BCR: variants seen among roughly 807,000 people sequenced by gnomAD.
BCR encodes the protein breakpoint cluster region protein.
A neutral mutation model predicts 138.6 loss-of-function variants in BCR; 58 were observed. The observed-to-expected ratio is 0.42, with a 90% CI of 0.34 to 0.52. BCR has a LOEUF of 0.52. Ranked by LOEUF, BCR falls within the 20% of genes least tolerant of loss-of-function variation. The pLI is 0.06. For synonymous variants in BCR, 786 were observed against 730.1 expected, an observed-to-expected ratio of 1.08 and a Z score of -1.23; for missense variants, 1,599 against 1,727.2, an observed-to-expected ratio of 0.93 and a Z score of 1.32.
intron 16 of BCR, 141 bp from the exon 17 acceptor site, chr22:23,309,283 T>A: frequency 1.3e-6 from 1 of 787,074 alleles, no homozygotes; most frequent in South Asian, 1.6e-5. Flanking sequence ...CTACCTCTGT[T>A]GGCCTCTGGA....
chr22:23,222,373 G>T (rs934872717), intron 1 of BCR, among the ~76,000 whole-genome samples: 2 of 152,198 alleles, frequency 1.3e-5, no homozygotes, highest in Non-Finnish European at 2.9e-5. Context: ...AAGTGGGAAG[G>T]TGGAACACAG....
At chr22:23,290,797 GCT>G in intron 14 of BCR, 1 of 250,088 alleles carries the variant, frequency 4.0e-6, no homozygotes, top group East Asian at 8.3e-5. Flanking sequence ...AGATTTGGCT[GCT>G]CTGTCGAGCT....
At chr22:23,256,059 C>T (rs908887106) in intron 2 of BCR, among the ~76,000 whole-genome samples, 1 of 152,204 alleles carries the variant, frequency 6.6e-6, no homozygotes, top group Non-Finnish European at 1.5e-5. Flanking sequence ...CCTGGTTTCC[C>T]TGCCAGCCAT....
chr22:23,296,650 G>A (rs747323279), intron 16 of BCR, among the ~76,000 whole-genome samples: 41 of 152,272 alleles, frequency 2.7e-4, no homozygotes, highest in Non-Finnish European at 5.0e-4. Flanking sequence ...TTGAGATCAG[G>A]TTTAAAAGCA....
At chr22:23,223,659 C>A (rs1242102788) in intron 1 of BCR, among the ~76,000 whole-genome samples, 2 of 152,186 alleles carry the variant, frequency 1.3e-5, no homozygotes, top group Non-Finnish European at 2.9e-5. Flanking sequence ...GGGCCTGGCT[C>A]TGTGGGATCT....
chr22:23,282,099 C>G (rs1568971547), intron 8 of BCR, among the ~76,000 whole-genome samples: 1 of 152,264 alleles, frequency 6.6e-6, no homozygotes, highest in Non-Finnish European at 1.5e-5. Context: ...ACCCCTCCTC[C>G]TTGGCCGGGA....
chr22:23,233,210 G>T (rs1031478885), intron 1 of BCR, among the ~76,000 whole-genome samples: 3 of 152,142 alleles, frequency 2.0e-5, no homozygotes, highest in Non-Finnish European at 2.9e-5. Flanking sequence ...TCCATCTCCT[G>T]CCTGGATGCT....
chr22:23,234,269 C>T (rs946209454), intron 1 of BCR, among the ~76,000 whole-genome samples: 1 of 152,194 alleles, frequency 6.6e-6, no homozygotes, highest in Non-Finnish European at 1.5e-5. Flanking sequence ...CTGTCACTCC[C>T]AAGTCCGAGG....
In BCR at chr22:23,273,127, C is replaced by T; in HGVS notation, c.1968C>T (p.Val656=). The change falls in exon 7 of 23, where the codon GTC becomes GTT. Residue 656 remains valine (V), a synonymous_variant. Transcript: ENST00000305877. ...ACCGTGTGACGAGGAGCACGCTGGTCCTCCATGTAAGTCACAGCGCCCCTC... is the reference window on the plus strand; with the variant it reads ...ACCGTGTGACGAGGAGCACGCTGGTTCTCCATGTAAGTCACAGCGCCCCTC... The part of the protein sequence containing the change: ...PVDRVTRSTL[V]LHDLLKHTPA... 1.2e-6 allele frequency: 2 copies of T among 1,613,446 alleles called. No individual in the cohort carries two copies. Among genetic ancestry groups the T allele is most frequent in the South Asian group, 1.1e-5 (1 of 91,046 alleles).
intron 15 of BCR, among the ~76,000 whole-genome samples, chr22:23,292,860 C>T (rs1169890083): frequency 6.6e-6 from 1 of 152,234 alleles, no homozygotes; most frequent in Non-Finnish European, 1.5e-5. Context: ...AAAGAAGCCA[C>T]CTATTTTGCT....
chr22:23,289,623 T>TG lies in BCR; in HGVS notation c.2707+5dup. 1 of 1,592,736 alleles carries TG rather than the reference T, an allele frequency of 6.3e-7. No homozygotes were observed. Among genetic ancestry groups the TG allele is most frequent in the South Asian group, 1.1e-5 (1 of 90,600 alleles). ...TTCCGCTGACCATCAATAAGGAAGG[T>TG]GGGCCCCCCCGTTTCCGTGTACAGG... On this transcript the variant is annotated splice_region_variant and intron_variant, in intron 13 of 22. Coordinates refer to ENST00000305877, the MANE Select transcript of BCR (RefSeq NM_004327.4).
rs139453985 is a variant in BCR, at chr22:23,242,233, A to C, written c.1280-11566A>C. Reference sequence around the variant, plus strand: ...AAGGGGGATCTGGCTAGGGGCAGTAAATTCTTGAGCAGTCACTGGGAGATA... The same window carrying C: ...AAGGGGGATCTGGCTAGGGGCAGTACATTCTTGAGCAGTCACTGGGAGATA... On this transcript the variant is annotated intron_variant, in intron 1 of 22. Transcript: ENST00000305877. Among the ~76,000 whole-genome samples, 52 of 152,288 alleles carry C rather than the reference A, an allele frequency of 3.4e-4. 1 individual carries two copies. In the East Asian group the frequency reaches 9.8e-3, roughly 29 times the overall value.
In BCR at chr22:23,208,493, T is replaced by G. The variant is rs1038142050; in HGVS notation, c.1279+26254T>G. 3.3e-5 allele frequency among the ~76,000 whole-genome samples: 5 copies of G among 152,162 alleles called. No homozygotes were observed. The South Asian group carries it at 8.3e-4, about 25-fold the overall frequency. On this transcript the variant is annotated intron_variant, in intron 1 of 22. Transcript: ENST00000305877. ...TTAAAAATAACACAGTTCAGTGGTG[T>G]TGAGTATGTTCATGTTGTTCAGCCA...
chr22:23,191,507 C>G (rs1422934739), intron 1 of BCR, among the ~76,000 whole-genome samples: 1 of 152,208 alleles, frequency 6.6e-6, no homozygotes, highest in African/African-American at 2.4e-5. Flanking sequence ...CCCTGCGTAT[C>G]TTTCTTTAAC....
At chr22:23,286,203 TC>T (rs1480232581) in intron 10 of BCR, among the ~76,000 whole-genome samples, 2 of 152,238 alleles carry the variant, frequency 1.3e-5, no homozygotes, top group Non-Finnish European at 2.9e-5. Context: ...CTCTAGGTGT[TC>T]AGGACTACCT....
chr22:23,213,300 C>G (rs540360895), intron 1 of BCR, among the ~76,000 whole-genome samples: 1 of 152,316 alleles, frequency 6.6e-6, no homozygotes, highest in Admixed American at 6.5e-5. Flanking sequence ...GGCAGCGTTG[C>G]TGACTTGTGC....
intron 20 of BCR, among the ~76,000 whole-genome samples, 197 bp downstream of exon 20, chr22:23,313,218 C>T (rs954836472): frequency 6.6e-6 from 1 of 152,198 alleles, no homozygotes; most frequent in Non-Finnish European, 1.5e-5. Context: ...TAGAGGGCTC[C>T]CTGTCCCTAC....
At chr22:23,196,904 T>G (rs2072490604) in intron 1 of BCR, among the ~76,000 whole-genome samples, 1 of 152,210 alleles carries the variant, frequency 6.6e-6, no homozygotes, top group Non-Finnish European at 1.5e-5. Context: ...GGCCACGGAC[T>G]GATACCAGTT....
intron 1 of BCR, among the ~76,000 whole-genome samples, chr22:23,214,856 A>T (rs2072732687): frequency 6.6e-6 from 1 of 152,206 alleles, no homozygotes; most frequent in Admixed American, 6.5e-5. Context: ...AGCCATTTTT[A>T]AGCATACGAT....
Sources: gnomAD v4.1 joint callset for allele counts (sites outside exome capture counted in the v4.1 genomes callset) on GRCh38, gnomAD v4.1.1 for gene constraint, MANE v1.5 for transcripts, NCBI Gene and HGNC (gene_info 2026-07-23, HGNC 2026-07-21) for gene names.